Variants in OSBPL5 observed in about 807,000 individuals in gnomAD.
The protein encoded by OSBPL5 is oxysterol binding protein like 5.
In OSBPL5, 71 loss-of-function variants were observed where a neutral mutation model predicts 111.2. That is an observed-to-expected ratio of 0.64 (90% CI 0.53 to 0.78). The LOEUF (loss-of-function observed/expected upper bound fraction) is 0.78. Ranked by LOEUF, OSBPL5 falls within the 30% of genes least tolerant of loss-of-function variation. The probability of loss-of-function intolerance (pLI) is 0.00; values close to 1 mark genes in which losing one functional copy is unlikely to be tolerated. For missense variants in OSBPL5, 1,210 were observed against 1,189.3 expected (o/e 1.02, Z -0.26); for synonymous variants, 549 against 513.9 (o/e 1.07, Z -0.93).
chr11:3,108,599 G>T (rs1286649555), intron 7 of OSBPL5, among the ~76,000 whole-genome samples: 1 of 152,176 alleles, frequency 6.6e-6, no homozygotes, highest in African/African-American at 2.4e-5. Context: ...CCCACTCTGG[G>T]CCCTGTGCCC....
Position 3,107,728 on chromosome 11 carries a change from C to A in OSBPL5, c.866+43G>T. On this transcript the variant is annotated intron_variant, in intron 8 of 21. Transcript: ENST00000263650. This position sits in a 1 kb window ranked among gnomAD's most constrained non-coding sequence, Gnocchi z 6.1. ...CCCCTCTTCCTCGCCTACAAGGAGA[C>A]CCCGTGAATCACCACCAGCCCCTGT... 1 of 1,600,396 alleles carries A rather than the reference C, an allele frequency of 6.2e-7. No homozygotes were observed. The highest frequency in any genetic ancestry group is 1.1e-5 in the South Asian group (1 of 90,794).
Position 3,105,413 on chromosome 11 carries a change from T to G in OSBPL5, c.1060-1036A>C, listed in dbSNP as rs1348006788. On this transcript the variant is annotated intron_variant, in intron 9 of 21. Transcript: ENST00000263650. The surrounding 1 kb of genome is among the most constrained non-coding windows in gnomAD (Gnocchi z 5.2). ...AGTGTGTGTGGACACCCAGGAGCCA[T>G]GTCTGACCCCATGAGGGGTCATGGG... 6.6e-6 allele frequency among the ~76,000 whole-genome samples: 1 copy of G among 152,074 alleles called. No homozygotes were observed. The highest frequency in any genetic ancestry group is 6.5e-5 in the Admixed American group (1 of 15,274).
rs904357454 is a variant in OSBPL5 at position 3,161,791 on chromosome 11, T to C, written c.-22+3425A>G. On this transcript the variant is annotated intron_variant, in intron 1 of 21. Coordinates refer to ENST00000263650, the MANE Select transcript of OSBPL5 (RefSeq NM_020896.4). This position sits in a 1 kb window ranked among gnomAD's most constrained non-coding sequence, Gnocchi z 8.0. Reference sequence around the variant, plus strand: ...CACAGAGCTGAGAGCTGCTTTGGAATGGGTAACGGGCCAGGAACAGAGACT... The same window carrying C: ...CACAGAGCTGAGAGCTGCTTTGGAACGGGTAACGGGCCAGGAACAGAGACT... Among the ~76,000 whole-genome samples, 1 of 152,048 alleles carries C rather than the reference T, an allele frequency of 6.6e-6. No individual in the cohort carries two copies. Among genetic ancestry groups the C allele is most frequent in the East Asian group, 1.9e-4 (1 of 5,176 alleles).
At chr11:3,108,585 A>G (rs555668184) in intron 7 of OSBPL5, among the ~76,000 whole-genome samples, 3 of 152,262 alleles carry the variant, frequency 2.0e-5, no homozygotes, top group Non-Finnish European at 4.4e-5. Flanking sequence ...GGGCGCCTCC[A>G]AGCCCCACTC....
At chr11:3,145,373 T>A (rs1846306851) in intron 1 of OSBPL5, among the ~76,000 whole-genome samples, 1 of 152,004 alleles carries the variant, frequency 6.6e-6, no homozygotes, top group Non-Finnish European at 1.5e-5. Flanking sequence ...CTGCAACCAG[T>A]CCCACAGGCC....
In OSBPL5 at chr11:3,110,810, A is replaced by C. The variant is rs149575205; in HGVS notation, c.692-2865T>G. Among the ~76,000 whole-genome samples, 137 of 152,194 alleles carry C rather than the reference A, an allele frequency of 9.0e-4. 1 individual carries two copies. Among genetic ancestry groups the C allele is most frequent in the Admixed American group, 2.4e-3 (37 of 15,296 alleles). ...GCTTGAAGTTGTCCCGCCTTTCCAG[A>C]CCAAACCAATGTTCATCTTACATAT... is the stretch of plus-strand genomic sequence containing the variant. On this transcript the variant is annotated intron_variant, in intron 7 of 21. Transcript: ENST00000263650. This position sits in a 1 kb window ranked among gnomAD's most constrained non-coding sequence, Gnocchi z 5.3.
At chr11:3,093,924 T>C in intron 15 of OSBPL5, 89 bp from the exon 16 acceptor site, 2 of 1,471,140 alleles carry the variant, frequency 1.4e-6, no homozygotes, top group Non-Finnish European at 9.2e-7. Context: ...ACAGTTATTC[T>C]CTTGGGGTGC....
At chr11:3,101,495 G>A in intron 13 of OSBPL5, 108 bp downstream of exon 13, 1 of 1,036,964 alleles carries the variant, frequency 9.6e-7, no homozygotes. Context: ...GGGTTGGGAG[G>A]GACAGGCACA....
Position 3,121,776 on chromosome 11 carries a change from T to C in OSBPL5, c.402+221A>G. 1.7e-6 allele frequency: 1 copy of C among 577,636 alleles called. No individual in the cohort carries two copies. Among genetic ancestry groups the C allele is most frequent in the East Asian group, 2.9e-5 (1 of 34,648 alleles). The allele number at this position is 577,636 out of a possible 1,614,324, so 35.8% of individuals were successfully genotyped here. On this transcript the variant is annotated intron_variant, in intron 5 of 21. Coordinates refer to ENST00000263650, the MANE Select transcript of OSBPL5 (RefSeq NM_020896.4). This position sits in a 1 kb window ranked among gnomAD's most constrained non-coding sequence, Gnocchi z 4.3. ...AGGTGAAGATGGGGCTACACTGGAG[T>C]AAGGTGGCCCTAATTCCTACCACTG...
chr11:3,104,377 G>C lies in OSBPL5; in HGVS notation c.1060C>G (p.Leu354Val), dbSNP rs780018459. The C allele has an allele frequency of 6.2e-7, 1 of 1,608,092 alleles. No homozygotes were observed. Among genetic ancestry groups the C allele is most frequent in the South Asian group, 1.1e-5 (1 of 90,956 alleles). ...GTCTCCACCTGGGACGCCTCGCCCA[G>C]CTGCAGCAGACAGGCTGCAGTCAGG... ...VEQVQEELGE[L>V]GEASQVETVS... Residue 354 changes from leucine to valine, a missense_variant and splice_region_variant, in exon 10 of 22, where the codon CTG (leucine) becomes GTG (valine). Leu to Val is a conservative substitution (Grantham distance 32). Transcript: ENST00000263650. The surrounding 1 kb of genome is among the most constrained non-coding windows in gnomAD (Gnocchi z 5.0).
chr11:3,122,065 GCTT>G lies in OSBPL5; in HGVS notation c.331_333del (p.Lys111del). On this transcript the variant is annotated inframe_deletion, in exon 5 of 22. Transcript: ENST00000263650. ...GCGCTGAGCAGCTGCCGTGTGGCGC[GCTT>G]CTTCTCCTGCCGGTAGTTCTCCTTC... 2 of 1,579,574 alleles carry G rather than the reference GCTT, an allele frequency of 1.3e-6. No homozygotes were observed. The highest frequency in any genetic ancestry group is 1.7e-6 in the Non-Finnish European group (2 of 1,167,930).
Position 3,107,512 on chromosome 11 carries a change from C to T in OSBPL5, c.867-57G>A. On this transcript the variant is annotated intron_variant, in intron 8 of 21. Transcript: ENST00000263650. This position sits in a 1 kb window ranked among gnomAD's most constrained non-coding sequence, Gnocchi z 6.1. ...TCACAGGTGAGAGCCCAGCACAGCCCTCTGGGCTGCCCACCCCTCGCTGCT... is the reference window on the plus strand; with the variant it reads ...TCACAGGTGAGAGCCCAGCACAGCCTTCTGGGCTGCCCACCCCTCGCTGCT... 1 of 1,569,306 alleles carries T rather than the reference C, an allele frequency of 6.4e-7. No homozygotes were observed. The highest frequency in any genetic ancestry group is 8.7e-7 in the Non-Finnish European group (1 of 1,144,334).
chr11:3,103,888 A>AGCCTGTGCCGCCCCC lies in OSBPL5; in HGVS notation c.1244+304_1244+305insGGGGGCGGCACAGGC, dbSNP rs1564830906. Among the ~76,000 whole-genome samples, 271 of 102,804 alleles carry AGCCTGTGCCGCCCCC rather than the reference A, an allele frequency of 2.6e-3. 15 individuals are homozygous for AGCCTGTGCCGCCCCC. The highest frequency in any genetic ancestry group is 0.011 in the African/African-American group (234 of 20,894). 67.4% of individuals were successfully genotyped at this position (102,804 alleles called of 152,430 possible). A position where few individuals can be genotyped will look rare whatever the true frequency, so the allele number is the denominator to read the frequency against. ...GCCCCCTTCCTGCCTCTGTAGCCCC[A>AGCCTGTGCCGCCCCC]TTCCTGCCTCTGCAGCCCCCTTCCT... On this transcript the variant is annotated intron_variant, in intron 10 of 21. Coordinates refer to ENST00000263650, the MANE Select transcript of OSBPL5 (RefSeq NM_020896.4).
chr11:3,136,734 C>T (rs375205498), intron 1 of OSBPL5, among the ~76,000 whole-genome samples: 26 of 152,356 alleles, frequency 1.7e-4, no homozygotes, highest in East Asian at 5.8e-4. Flanking sequence ...GCCCCCTCCA[C>T]GCCTATGTGG....
chr11:3,122,969 T>G (rs7103109), intron 3 of OSBPL5, among the ~76,000 whole-genome samples: 3 of 152,142 alleles, frequency 2.0e-5, no homozygotes, highest in South Asian at 2.1e-4. Flanking sequence ...GTCTTCCCCC[T>G]ACGGTACCCA....
intron 21 of OSBPL5, among the ~76,000 whole-genome samples, chr11:3,089,617 C>A (rs1163866469): frequency 1.3e-5 from 2 of 152,220 alleles, no homozygotes; most frequent in African/African-American, 4.8e-5. Context: ...ATCTGCCAGG[C>A]ATGGCCAACT....
In OSBPL5 at chr11:3,105,149, G is replaced by A. The variant is rs1433590521; in HGVS notation, c.1060-772C>T. On this transcript the variant is annotated intron_variant, in intron 9 of 21. Transcript: ENST00000263650. This position sits in a 1 kb window ranked among gnomAD's most constrained non-coding sequence, Gnocchi z 5.2. The stretch of plus-strand genomic sequence containing the variant: ...CCTGGTCCTCCCCCTCCACAGAGGG[G>A]ACAAGTGACTTGTCCAAGGTCACAC... Among the ~76,000 whole-genome samples, 1 of 152,182 alleles carries A rather than the reference G, an allele frequency of 6.6e-6. No homozygotes were observed. Among genetic ancestry groups the A allele is most frequent in the East Asian group, 1.9e-4 (1 of 5,182 alleles).
intron 14 of OSBPL5, among the ~76,000 whole-genome samples, chr11:3,099,718 A>G (rs1381855976): frequency 6.6e-6 from 1 of 152,154 alleles, no homozygotes; most frequent in East Asian, 1.9e-4. Flanking sequence ...GGCAAGCAAA[A>G]CGCACATATT....
chr11:3,097,322 A>G (rs72844059), intron 14 of OSBPL5, among the ~76,000 whole-genome samples: 16,464 of 152,068 alleles, frequency 0.11, 996 homozygotes, highest in Non-Finnish European at 0.14. Context: ...CAACAGAAGG[A>G]ACAGTCGCAG....
Sources: gnomAD v4.1 joint callset for allele counts (sites outside exome capture counted in the v4.1 genomes callset) on GRCh38, gnomAD v4.1.1 for gene constraint, Gnocchi (gnomAD v3.1) non-coding constraint, MANE v1.5 for transcripts, NCBI Gene and HGNC (gene_info 2026-07-23, HGNC 2026-07-21) for gene names.